MALRD1: variants seen among roughly 807,000 people sequenced by gnomAD.
MALRD1 encodes MAM and LDL receptor class A domain containing 1, also known as MAM and LDL-receptor class A domain-containing protein 1.
MALRD1 carries 247 observed loss-of-function variants against 242.1 expected under a neutral mutation model. The ratio of observed to expected loss-of-function variants is 1.02; its 90% CI spans 0.92 to 1.13. The LOEUF is 1.13. Ranked by LOEUF, MALRD1 falls within the 50% of genes most tolerant of loss-of-function variation. MALRD1 has a pLI of 0.00. For synonymous variants in MALRD1, 995 were observed against 866.6 expected (o/e 1.15, Z -2.60); for missense variants, 2,989 against 2,533.1 (o/e 1.18, Z -3.86).
At position 19,669,102 on chromosome 10, in the gene MALRD1, G is replaced by A. The variant is rs138228086; in HGVS notation, c.6138-23180G>A. Among the ~76,000 whole-genome samples, 71 of 152,322 alleles carry A rather than the reference G, an allele frequency of 4.7e-4. No homozygotes were observed. The East Asian group carries it at 0.011, about 23-fold the overall frequency. On this transcript the variant is annotated intron_variant, in intron 36 of 39. Transcript: ENST00000454679. ...ATTCATGAATACTGAAAGAATCACCGGAAGCTGGAAGATACTGGAGTGATC... is the reference window on the plus strand; with the variant it reads ...ATTCATGAATACTGAAAGAATCACCAGAAGCTGGAAGATACTGGAGTGATC...
chr10:19,713,238 A>T (rs1205307588), intron 38 of MALRD1, among the ~76,000 whole-genome samples: 1 of 152,214 alleles, frequency 6.6e-6, no homozygotes, highest in East Asian at 1.9e-4. Context: ...TCTTATCATC[A>T]ACAGACATAA....
chr10:19,595,276 G>A lies in MALRD1; in HGVS notation c.5763G>A (p.Gly1921=), dbSNP rs1184380487. Residue 1921 remains glycine, a synonymous_variant, in exon 34 of 40, where the codon GGG becomes GGA. Transcript: ENST00000454679. ...IYTLQCVPLS[G]KCDGHEDCID... ...CACTCCAATGTGTCCCTCTCTCAGGGAAATGTGATGGACATGAAGACTGCA... is the reference window on the plus strand; with the variant it reads ...CACTCCAATGTGTCCCTCTCTCAGGAAAATGTGATGGACATGAAGACTGCA... 1.9e-6 allele frequency: 3 copies of A among 1,550,686 alleles called. No homozygotes were observed. Among genetic ancestry groups the A allele is most frequent in the African/African-American group, 2.7e-5 (2 of 73,098 alleles).
intron 4 of MALRD1, among the ~76,000 whole-genome samples, chr10:19,099,761 A>ATTTTTT (rs71767071): frequency 5.7e-5 from 6 of 104,904 alleles, no homozygotes; most frequent in Non-Finnish European, 1.0e-4. Context: ...ATATATATAT[A>ATTTTTT]TATTTTTTTT....
At chr10:19,462,012 T>A (rs10159848) in intron 29 of MALRD1, among the ~76,000 whole-genome samples, 18,040 of 152,160 alleles carry the variant, frequency 0.12, 1,155 homozygotes, top group African/African-American at 0.15. Context: ...ACCCTCAGAC[T>A]AGTTATTGTA....
At chr10:19,706,396 C>T (rs1378015601) in intron 38 of MALRD1, among the ~76,000 whole-genome samples, 1 of 152,080 alleles carries the variant, frequency 6.6e-6, no homozygotes, top group East Asian at 1.9e-4. Context: ...GGTGTGATCT[C>T]AGCTCACTGC....
At chr10:19,524,244 A>G (rs1833998130) in intron 31 of MALRD1, among the ~76,000 whole-genome samples, 1 of 152,138 alleles carries the variant, frequency 6.6e-6, no homozygotes, top group Admixed American at 6.5e-5. Context: ...TGGGAGGCCA[A>G]GGTGGTGGAT....
At chr10:19,637,943 A>T (rs903366904) in intron 36 of MALRD1, among the ~76,000 whole-genome samples, 8 of 151,854 alleles carry the variant, frequency 5.3e-5, no homozygotes, top group African/African-American at 1.9e-4. Context: ...TCTACTAAAA[A>T]TACAAAAATT....
chr10:19,129,856 T>C (rs1351516453), intron 8 of MALRD1, among the ~76,000 whole-genome samples: 1 of 149,850 alleles, frequency 6.7e-6, no homozygotes, highest in African/African-American at 2.4e-5. Flanking sequence ...GATATATATC[T>C]CTACACATCC....
intron 33 of MALRD1, among the ~76,000 whole-genome samples, chr10:19,581,730 T>C (rs1837136457): frequency 6.6e-6 from 1 of 150,654 alleles, no homozygotes; most frequent in African/African-American, 2.5e-5. Context: ...TTTGGGTATA[T>C]ACCCAGTAAT....
intron 36 of MALRD1, among the ~76,000 whole-genome samples, chr10:19,624,717 T>A (rs1331502528): frequency 1.3e-5 from 2 of 151,654 alleles, no homozygotes; most frequent in African/African-American, 4.8e-5. Context: ...AATACAAAAA[T>A]TAGCCGGGGG....
chr10:19,342,714 G>A (rs1340318824), intron 24 of MALRD1, among the ~76,000 whole-genome samples: 2 of 152,088 alleles, frequency 1.3e-5, no homozygotes, highest in Non-Finnish European at 1.5e-5. Context: ...AAGTAGGTCA[G>A]GTATCATGAT....
chr10:19,141,086 G>C (rs995257193), intron 10 of MALRD1, among the ~76,000 whole-genome samples: 1 of 152,022 alleles, frequency 6.6e-6, no homozygotes, highest in Non-Finnish European at 1.5e-5. Flanking sequence ...CATCAATAAA[G>C]CTTAAAAAAT....
chr10:19,640,378 C>T (rs1028786717), intron 36 of MALRD1, among the ~76,000 whole-genome samples: 7 of 152,118 alleles, frequency 4.6e-5, no homozygotes, highest in East Asian at 1.9e-4. Flanking sequence ...CATGAGCCAC[C>T]GCACCCGGAC....
At chr10:19,512,094 CA>C (rs1292872751) in intron 31 of MALRD1, among the ~76,000 whole-genome samples, 1 of 152,076 alleles carries the variant, frequency 6.6e-6, no homozygotes, top group Non-Finnish European at 1.5e-5. Context: ...AGCTTGGTAT[CA>C]TTCTCTCCAG....
chr10:19,649,010 G>A (rs546552410), intron 36 of MALRD1, among the ~76,000 whole-genome samples: 14 of 152,170 alleles, frequency 9.2e-5, no homozygotes, highest in South Asian at 2.1e-4. Context: ...CTGTTCCTGC[G>A]TTAGTTTGCT....
At chr10:19,449,652 A>T (rs1589096188) in intron 28 of MALRD1, among the ~76,000 whole-genome samples, 3 of 152,192 alleles carry the variant, frequency 2.0e-5, no homozygotes, top group African/African-American at 7.2e-5. Context: ...ATATATACAG[A>T]CCCGGTGGTC....
intron 36 of MALRD1, among the ~76,000 whole-genome samples, chr10:19,618,869 T>A (rs1163017819): frequency 4.6e-5 from 7 of 152,158 alleles, no homozygotes; most frequent in African/African-American, 1.4e-4. Flanking sequence ...TCACCCATTC[T>A]TTTTCTTTCC....
chr10:19,210,266 T>C (rs1836992047), intron 18 of MALRD1, among the ~76,000 whole-genome samples: 1 of 152,200 alleles, frequency 6.6e-6, no homozygotes. Context: ...AGGAATTTTA[T>C]ATATTATCTA....
At chr10:19,098,688 C>G (rs1326522768) in intron 4 of MALRD1, among the ~76,000 whole-genome samples, 1 of 152,072 alleles carries the variant, frequency 6.6e-6, no homozygotes, top group Non-Finnish European at 1.5e-5. Context: ...GAAGCAGCCT[C>G]GTTGTCTGGG....
Sources: allele counts gnomAD v4.1 joint callset (sites outside exome capture counted in the v4.1 genomes callset), GRCh38; gene constraint gnomAD v4.1.1; transcripts MANE v1.5; gene names NCBI Gene and HGNC (gene_info 2026-07-23, HGNC 2026-07-21).